Variants in CFAP96 observed in about 807,000 individuals in gnomAD.
CFAP96 encodes cilia and flagella associated protein 96.
At chr4:185,436,745 T>TAA in the CFAP96 span, among the ~76,000 whole-genome samples, 17 of 149,164 alleles carry the variant, frequency 1.1e-4, no homozygotes, top group African/African-American at 3.7e-4. Context: ...ATAATAATAA[T>TAA]TCACTTGAGA....
chr4:185,418,540 G>T, the CFAP96 span: 6 of 1,609,428 alleles, frequency 3.7e-6, no homozygotes, highest in Non-Finnish European at 5.1e-6. Flanking sequence ...TTTATAATAT[G>T]AAATGATGTT....
At chr4:185,448,289 G>C in the CFAP96 span, among the ~76,000 whole-genome samples, 1 of 151,562 alleles carries the variant, frequency 6.6e-6, no homozygotes, top group East Asian at 1.9e-4. Flanking sequence ...CCAAAGTGCT[G>C]GGATTAAGTG....
the CFAP96 span, chr4:185,414,018 A>C: frequency 1.5e-6 from 1 of 658,638 alleles, no homozygotes; most frequent in South Asian, 3.7e-5. Context: ...ACTAACATCA[A>C]AGATGGTGAA....
At chr4:185,412,187 AT>A in the CFAP96 span, among the ~76,000 whole-genome samples, 3 of 152,300 alleles carry the variant, frequency 2.0e-5, no homozygotes, top group Non-Finnish European at 4.4e-5. Flanking sequence ...TAAAGTATAT[AT>A]TTTTCTTACG....
the CFAP96 span, chr4:185,418,750 G>A: frequency 1.3e-6 from 2 of 1,584,692 alleles, no homozygotes; most frequent in East Asian, 4.5e-5. Context: ...ACATGTTTCA[G>A]TGCCTTCTTG....
chr4:185,425,930 T>A, the CFAP96 span: 3 of 1,559,998 alleles, frequency 1.9e-6, no homozygotes, highest in Non-Finnish European at 1.7e-6. Context: ...GGGCCGGCCC[T>A]GAAGTGGTGT....
chr4:185,438,267 TAAAAA>T, the CFAP96 span, among the ~76,000 whole-genome samples: 1 of 151,952 alleles, frequency 6.6e-6, no homozygotes, highest in Non-Finnish European at 1.5e-5. Context: ...CCTATTAACT[TAAAAA>T]AAAGTCCTTT....
At chr4:185,421,684 A>G in the CFAP96 span, among the ~76,000 whole-genome samples, 1 of 152,158 alleles carries the variant, frequency 6.6e-6, no homozygotes, top group Non-Finnish European at 1.5e-5. Flanking sequence ...TTTATAAATG[A>G]CCCAGTCTCA....
the CFAP96 span, among the ~76,000 whole-genome samples, chr4:185,423,558 T>C: frequency 1.1e-5 from 1 of 90,096 alleles, no homozygotes; most frequent in African/African-American, 2.7e-5. Context: ...CAACAATAGA[T>C]TGGTTAAAAA....
chr4:185,442,462 AT>A, the CFAP96 span, among the ~76,000 whole-genome samples: 2 of 151,940 alleles, frequency 1.3e-5, no homozygotes, highest in African/African-American at 2.4e-5. Context: ...CCTTCATATT[AT>A]TTGTCATTAT....
the CFAP96 span, among the ~76,000 whole-genome samples, chr4:185,441,816 G>A: frequency 6.6e-6 from 1 of 152,002 alleles, no homozygotes; most frequent in African/African-American, 2.4e-5. Flanking sequence ...GGCAGGGGGT[G>A]AAATGTTCCG....
chr4:185,415,717 A>G, the CFAP96 span: 1 of 1,607,908 alleles, frequency 6.2e-7, no homozygotes, highest in Non-Finnish European at 8.5e-7. Flanking sequence ...TACTTTCCCC[A>G]TGTTTCTTCT....
chr4:185,427,970 C>T, the CFAP96 span, among the ~76,000 whole-genome samples: 10,877 of 150,994 alleles, frequency 0.072, 971 homozygotes, highest in African/African-American at 0.16. Context: ...CCTGTAATCC[C>T]AGCTACTTGG....
the CFAP96 span, among the ~76,000 whole-genome samples, chr4:185,417,148 A>G: frequency 1.3e-5 from 2 of 152,188 alleles, no homozygotes; most frequent in Non-Finnish European, 2.9e-5. Context: ...CTTTCATACC[A>G]TGTGCTGAGG....
chr4:185,416,383 C>A, the CFAP96 span, among the ~76,000 whole-genome samples: 7,853 of 152,190 alleles, frequency 0.052, 252 homozygotes, highest in South Asian at 0.088. Flanking sequence ...ACTATATACC[C>A]CTGGTCTAAT....
chr4:185,438,812 G>C, the CFAP96 span, among the ~76,000 whole-genome samples: 44 of 152,104 alleles, frequency 2.9e-4, no homozygotes, highest in Non-Finnish European at 4.9e-4. Flanking sequence ...CCCCACTACT[G>C]GGGCAAGACC....
At chr4:185,432,890 A>AT in the CFAP96 span, among the ~76,000 whole-genome samples, 7 of 150,606 alleles carry the variant, frequency 4.6e-5, no homozygotes, top group Non-Finnish European at 7.4e-5. Context: ...ATTAGGATAC[A>AT]TTTTTTTTGT....
chr4:185,425,889 A>T, the CFAP96 span: 1 of 1,596,200 alleles, frequency 6.3e-7, no homozygotes, highest in South Asian at 1.1e-5. Flanking sequence ...TGGCGGTGAC[A>T]CGGGCGCTGA....
the CFAP96 span, among the ~76,000 whole-genome samples, chr4:185,447,648 C>T: frequency 6.8e-6 from 1 of 147,812 alleles, no homozygotes; most frequent in South Asian, 2.1e-4. Flanking sequence ...CTGTATTAAG[C>T]CATGTATGCA....
Sources: gnomAD v4.1 joint callset for allele counts (sites outside exome capture counted in the v4.1 genomes callset) on GRCh38, gnomAD v4.1.1 for gene constraint, MANE v1.5 for transcripts, NCBI Gene and HGNC (gene_info 2026-07-23, HGNC 2026-07-21) for gene names.